FBXO34: variants seen among roughly 807,000 people sequenced by gnomAD.
FBXO34 encodes the protein F-box only protein 34.
A neutral mutation model predicts 24.5 loss-of-function variants in FBXO34; 12 were observed. That is an observed-to-expected ratio of 0.49 (90% CI 0.31 to 0.79). The LOEUF is 0.79. Ranked by LOEUF, FBXO34 falls within the 30% of genes least tolerant of loss-of-function variation. The probability of loss-of-function intolerance (pLI) is 0.04; values close to 1 mark genes in which losing one functional copy is unlikely to be tolerated. For missense variants in FBXO34, 823 were observed against 857.7 expected (o/e 0.96, Z 0.51); for synonymous variants, 320 against 311.9 (o/e 1.03, Z -0.27).
the FBXO34 span, chr14:55,436,470 CCTA>C: frequency 9.0e-7 from 1 of 1,112,086 alleles, no homozygotes; most frequent in Non-Finnish European, 1.3e-6. Flanking sequence ...AATTCTCTTC[CCTA>C]CTATTATCCT....
intron 1 of FBXO34, among the ~76,000 whole-genome samples, chr14:55,328,945 G>A (rs1478599588): frequency 6.6e-6 from 1 of 152,038 alleles, no homozygotes; most frequent in African/African-American, 2.4e-5. Flanking sequence ...ATGCCTTTGT[G>A]TATGTGTACC....
At chr14:55,398,295 C>T in the FBXO34 span, among the ~76,000 whole-genome samples, 1 of 152,070 alleles carries the variant, frequency 6.6e-6, no homozygotes, top group Non-Finnish European at 1.5e-5. Context: ...TTATTTTCTT[C>T]TTGCCAACTT....
chr14:55,409,402 A>G, the FBXO34 span, among the ~76,000 whole-genome samples: 2 of 152,262 alleles, frequency 1.3e-5, no homozygotes, highest in African/African-American at 2.4e-5. Flanking sequence ...CATAGAGTTT[A>G]TATCACTGGG....
At chr14:55,339,330 T>G (rs1566562732) in intron 1 of FBXO34, 1 of 151,326 alleles carries the variant, frequency 6.6e-6, no homozygotes, top group East Asian at 1.9e-4. Context: ...ATACTGACAT[T>G]CAGGAATTTC....
At chr14:55,300,547 A>G (rs185129759) in intron 1 of FBXO34, among the ~76,000 whole-genome samples, 133 of 152,376 alleles carry the variant, frequency 8.7e-4, no homozygotes, top group Admixed American at 7.6e-3. Flanking sequence ...GTGAGCTGAG[A>G]TTGTGACACT....
the FBXO34 span, chr14:55,386,214 G>A: frequency 1.2e-6 from 1 of 831,572 alleles, no homozygotes; most frequent in Non-Finnish European, 1.9e-6. Context: ...AGCAAAACCT[G>A]AATAATATAA....
rs1051341025 is a variant in FBXO34, at chr14:55,297,585, T to C, written c.-11+26048T>C. On this transcript the variant is annotated intron_variant, in intron 1 of 1. Transcript: ENST00000313833. ...CGATTATGTGATTTAGATATGGTAGTGATAGCCTCTATTGGAAATTTTGAT... is the reference window on the plus strand; with the variant it reads ...CGATTATGTGATTTAGATATGGTAGCGATAGCCTCTATTGGAAATTTTGAT... Among the ~76,000 whole-genome samples the C allele has an allele frequency of 5.5e-4, 83 of 152,270 alleles. 1 individual carries two copies. Among genetic ancestry groups the C allele is most frequent in the Non-Finnish European group, 1.8e-4 (12 of 68,050 alleles).
chr14:55,439,150 G>A, the FBXO34 span, among the ~76,000 whole-genome samples: 3 of 151,914 alleles, frequency 2.0e-5, no homozygotes, highest in Non-Finnish European at 4.4e-5. Context: ...TGTTGGCCAG[G>A]CTGGTCTTGA....
chr14:55,295,302 T>C (rs960508354), intron 1 of FBXO34, among the ~76,000 whole-genome samples: 5 of 152,204 alleles, frequency 3.3e-5, no homozygotes, highest in Admixed American at 3.3e-4. Flanking sequence ...TATTTATTTA[T>C]TAACGTGGAC....
the FBXO34 span, chr14:55,385,925 C>T: frequency 1.2e-6 from 2 of 1,614,066 alleles, no homozygotes; most frequent in Non-Finnish European, 8.5e-7. Flanking sequence ...ATGGGATCGT[C>T]GAAGATTTGC....
chr14:55,292,631 G>A (rs1370238434), intron 1 of FBXO34, among the ~76,000 whole-genome samples: 1 of 152,156 alleles, frequency 6.6e-6, no homozygotes, highest in Non-Finnish European at 1.5e-5. Flanking sequence ...TGGCGTTACA[G>A]GTGTGAGCCA....
downstream of FBXO34, chr14:55,366,809 T>G (rs1302803471): frequency 6.6e-6 from 1 of 152,670 alleles, no homozygotes; most frequent in African/African-American, 2.4e-5. Flanking sequence ...CTTCAATTTT[T>G]TAAAAAGCTG....
chr14:55,299,397 C>A (rs973697500), intron 1 of FBXO34, among the ~76,000 whole-genome samples: 1 of 8,032 alleles, frequency 1.2e-4, no homozygotes, highest in Non-Finnish European at 2.7e-4. Flanking sequence ...TGGGTGGGGG[C>A]GGGTAGAGGG....
chr14:55,390,879 T>C, the FBXO34 span: 1 of 1,459,934 alleles, frequency 6.8e-7, no homozygotes. Context: ...AGGCACTTTC[T>C]AGGGCTGGAA....
downstream of FBXO34, chr14:55,368,952 T>C (rs1332542414): frequency 6.6e-6 from 1 of 152,638 alleles, no homozygotes; most frequent in Non-Finnish European, 1.5e-5. Flanking sequence ...ATTTCTTCCA[T>C]TTATGGATGT....
the FBXO34 span, among the ~76,000 whole-genome samples, chr14:55,415,949 A>G: frequency 2.0e-5 from 3 of 152,222 alleles, no homozygotes; most frequent in Admixed American, 6.5e-5. Flanking sequence ...AACATATAGC[A>G]TGTTTCTTAG....
the FBXO34 span, chr14:55,411,741 C>G: frequency 1.9e-6 from 3 of 1,610,480 alleles, no homozygotes. Context: ...TCCACGGAGT[C>G]CACCAGGTCC....
intron 1 of FBXO34, among the ~76,000 whole-genome samples, chr14:55,341,321 G>A (rs1883984892): frequency 6.6e-6 from 1 of 152,150 alleles, no homozygotes; most frequent in African/African-American, 2.4e-5. Flanking sequence ...AGATGGGAGG[G>A]GGTCTTTTGC....
chr14:55,318,989 C>T (rs1449709832), intron 1 of FBXO34, among the ~76,000 whole-genome samples: 1 of 152,102 alleles, frequency 6.6e-6, no homozygotes, highest in African/African-American at 2.4e-5. Flanking sequence ...ATCTCACAGT[C>T]CACTAAGTTC....
Sources: gnomAD v4.1 joint callset for allele counts (sites outside exome capture counted in the v4.1 genomes callset) on GRCh38, gnomAD v4.1.1 for gene constraint, MANE v1.5 for transcripts, NCBI Gene and HGNC (gene_info 2026-07-23, HGNC 2026-07-21) for gene names.